GRM7: variants seen among roughly 807,000 people sequenced by gnomAD.
GRM7 encodes the protein glutamate metabotropic receptor 7.
A neutral mutation model predicts 84.5 loss-of-function variants in GRM7; 35 were observed. That is an observed-to-expected ratio of 0.41 (90% CI 0.32 to 0.55). The LOEUF is 0.55. Among genes scored for constraint, GRM7 ranks in the 20% least tolerant of loss-of-function variants. The pLI is 0.19. For missense variants in GRM7, 1,003 were observed against 1,194.6 expected, an observed-to-expected ratio of 0.84 and a Z score of 2.36; for synonymous variants, 487 against 455.1, an observed-to-expected ratio of 1.07 and a Z score of -0.89.
chr3:7,625,476 G>C (rs1293226290), intron 8 of GRM7, among the ~76,000 whole-genome samples: 1 of 152,098 alleles, frequency 6.6e-6, no homozygotes, highest in South Asian at 2.1e-4. Flanking sequence ...TCTCAGAAGT[G>C]GTTTGCTAAG....
intron 1 of GRM7, among the ~76,000 whole-genome samples, chr3:6,962,848 A>T (rs909571728): frequency 8.5e-5 from 13 of 152,172 alleles, no homozygotes; most frequent in Non-Finnish European, 1.9e-4. Context: ...AGTGGAGATA[A>T]TTTTTTCTTA....
chr3:7,407,939 G>A (rs1341366192), intron 4 of GRM7, among the ~76,000 whole-genome samples: 3 of 152,086 alleles, frequency 2.0e-5, no homozygotes, highest in African/African-American at 7.2e-5. Context: ...TATTAAGTTA[G>A]CTTACATTTA....
In GRM7 at chr3:7,116,153, G is replaced by A. The variant is rs180941290; in HGVS notation, c.520-30299G>A. On this transcript the variant is annotated intron_variant, in intron 1 of 9. Transcript: ENST00000357716. ...CGGAAATACTCAGACTGTACCAACA[G>A]AGTCTGGTGATGGTGGCAAAAATAA... 6.5e-4 allele frequency among the ~76,000 whole-genome samples: 99 copies of A among 152,222 alleles called. 1 individual carries two copies. Among genetic ancestry groups the A allele is most frequent in the Admixed American group, 1.3e-3 (20 of 15,268 alleles).
In GRM7 at chr3:7,152,999, A is replaced by G. The variant is rs141328052; in HGVS notation, c.736+6331A>G. ...ATGGAAAACCCATTTTGTTGACAGT[A>G]ACAGCAGTAGCAGTAAAAACCACTT... is the stretch of plus-strand genomic sequence containing the variant. On this transcript the variant is annotated intron_variant, in intron 2 of 9. Transcript: ENST00000357716. Among the ~76,000 whole-genome samples the G allele has an allele frequency of 5.3e-5, 8 of 152,252 alleles. No homozygotes were observed. In the East Asian group the frequency reaches 1.5e-3, roughly 29 times the overall value.
intron 6 of GRM7, among the ~76,000 whole-genome samples, chr3:7,460,501 C>G (rs1234073326): frequency 6.6e-6 from 1 of 152,086 alleles, no homozygotes; most frequent in Non-Finnish European, 1.5e-5. Flanking sequence ...ATGGCTGAAT[C>G]TGTGTGTGGC....
chr3:7,379,848 C>T lies in GRM7; in HGVS notation c.1034-35175C>T, dbSNP rs1694513593. ...TTAGTTGCCCAGGGTGCAGTATTCC[C>T]ACAGAGGGTGAAGCTGATTATTCTT... is the stretch of plus-strand genomic sequence containing the variant. On this transcript the variant is annotated intron_variant, in intron 4 of 9. Coordinates refer to ENST00000357716, the MANE Select transcript of GRM7 (RefSeq NM_000844.4). Among the ~76,000 whole-genome samples, 4 of 152,198 alleles carry T rather than the reference C, an allele frequency of 2.6e-5. No individual in the cohort carries two copies. In the South Asian group the frequency reaches 8.3e-4, roughly 32 times the overall value.
intron 1 of GRM7, among the ~76,000 whole-genome samples, chr3:7,000,294 C>T (rs1279352884): frequency 6.6e-6 from 1 of 151,828 alleles, no homozygotes; most frequent in Non-Finnish European, 1.5e-5. Flanking sequence ...TCCTCAGCCT[C>T]CTGAGTAGCT....
intron 1 of GRM7, among the ~76,000 whole-genome samples, chr3:7,053,193 A>G (rs1271235080): frequency 1.3e-5 from 2 of 150,416 alleles, no homozygotes; most frequent in East Asian, 1.9e-4. Flanking sequence ...TTACATTTAT[A>G]TATCTTTTTT....
At chr3:6,919,396 G>A (rs1465745053) in intron 1 of GRM7, among the ~76,000 whole-genome samples, 3 of 140,652 alleles carry the variant, frequency 2.1e-5, no homozygotes, top group African/African-American at 8.1e-5. Context: ...TAATAGAGAT[G>A]GGGTTTCCAC....
chr3:7,710,345 T>G (rs1357838547), intron 9 of GRM7, among the ~76,000 whole-genome samples: 1 of 152,178 alleles, frequency 6.6e-6, no homozygotes, highest in Non-Finnish European at 1.5e-5. Context: ...ACGGGACCTG[T>G]TTTTGCTGTA....
At chr3:7,660,526 A>T (rs762721293) in intron 8 of GRM7, among the ~76,000 whole-genome samples, 1 of 152,230 alleles carries the variant, frequency 6.6e-6, no homozygotes, top group Non-Finnish European at 1.5e-5. Flanking sequence ...ATAGAGAAAT[A>T]TGCTTTGTTG....
At chr3:7,718,863 T>C (rs758875438) in intron 9 of GRM7, among the ~76,000 whole-genome samples, 5 of 152,186 alleles carry the variant, frequency 3.3e-5, no homozygotes, top group Non-Finnish European at 5.9e-5. Context: ...CTTGCTGACA[T>C]TGGAGACTTT....
At chr3:7,134,702 G>T (rs1361140739) in intron 1 of GRM7, among the ~76,000 whole-genome samples, 3 of 152,066 alleles carry the variant, frequency 2.0e-5, no homozygotes, top group Non-Finnish European at 4.4e-5. Context: ...GATGAGAAAA[G>T]GTGGTTCCTC....
At chr3:6,912,684 G>A (rs988343699) in intron 1 of GRM7, among the ~76,000 whole-genome samples, 7 of 152,062 alleles carry the variant, frequency 4.6e-5, no homozygotes, top group Admixed American at 1.3e-4. Flanking sequence ...ATTGGACATA[G>A]ATCTGATCTC....
chr3:7,054,731 C>G (rs1415214361), intron 1 of GRM7, among the ~76,000 whole-genome samples: 1 of 151,894 alleles, frequency 6.6e-6, no homozygotes, highest in Non-Finnish European at 1.5e-5. Context: ...CTCTCTCTCT[C>G]TTTCTGTCTG....
In GRM7 at chr3:7,014,983, CTAGT is replaced by C. The variant is rs1373495471; in HGVS notation, c.520-131465_520-131462del. On this transcript the variant is annotated intron_variant, in intron 1 of 9. Coordinates refer to ENST00000357716, the MANE Select transcript of GRM7 (RefSeq NM_000844.4). ...AAATGTGCCAATCAGTGCTCTGTGG[CTAGT>C]TAGAGGTGTGTAAAATGGACCAATC... is the stretch of plus-strand genomic sequence containing the variant. 3.3e-5 allele frequency among the ~76,000 whole-genome samples: 5 copies of C among 152,204 alleles called. 1 individual carries two copies. The highest frequency in any genetic ancestry group is 1.2e-4 in the African/African-American group (5 of 41,510).
At chr3:7,418,058 G>A (rs1696245963) in intron 5 of GRM7, among the ~76,000 whole-genome samples, 1 of 152,146 alleles carries the variant, frequency 6.6e-6, no homozygotes, top group South Asian at 2.1e-4. Flanking sequence ...CTTGGGGCTA[G>A]ATGTGCATGA....
At chr3:7,474,837 CT>C (rs1178733976) in intron 7 of GRM7, among the ~76,000 whole-genome samples, 1 of 152,102 alleles carries the variant, frequency 6.6e-6, no homozygotes, top group African/African-American at 2.4e-5. Flanking sequence ...AGAGCTGCTC[CT>C]TAAAAGATGT....
chr3:7,328,534 G>C (rs1233652253), intron 4 of GRM7, among the ~76,000 whole-genome samples: 2 of 152,118 alleles, frequency 1.3e-5, no homozygotes, highest in African/African-American at 2.4e-5. Flanking sequence ...GTGATACCTG[G>C]AGCTGCCTTT....
Sources: allele counts gnomAD v4.1 joint callset (sites outside exome capture counted in the v4.1 genomes callset), GRCh38; gene constraint gnomAD v4.1.1; transcripts MANE v1.5; gene names NCBI Gene and HGNC (gene_info 2026-07-23, HGNC 2026-07-21).